HMCN1: variants seen among roughly 807,000 people sequenced by gnomAD.
The protein encoded by HMCN1 is hemicentin-1.
Under a neutral mutation model 625.9 loss-of-function variants are expected in HMCN1, and 321 were observed. That is an observed-to-expected ratio of 0.51 (90% confidence interval 0.47 to 0.56). The LOEUF (loss-of-function observed/expected upper bound fraction) is 0.56, where lower values mean the gene tolerates loss of function less well. HMCN1 is among the 20% of genes least tolerant of loss of function. The pLI is 0.00. For synonymous variants in HMCN1, 2,425 were observed against 2,417.6 expected, an observed-to-expected ratio of 1.00 and a Z score of -0.09; for missense variants, 6,588 against 6,887.3, an observed-to-expected ratio of 0.96 and a Z score of 1.54.
intron 71 of HMCN1, among the ~76,000 whole-genome samples, chr1:186,111,185 G>A (rs1021730344): frequency 6.6e-6 from 1 of 151,396 alleles, no homozygotes; most frequent in African/African-American, 2.4e-5. Context: ...GTTTCACCAT[G>A]TTAGCCAGGA....
At chr1:186,148,035 A>G (rs1650431104) in intron 93 of HMCN1, among the ~76,000 whole-genome samples, 1 of 152,250 alleles carries the variant, frequency 6.6e-6, no homozygotes, top group Non-Finnish European at 1.5e-5. Context: ...TAAAACTTTC[A>G]AAGTTTGGGT....
chr1:186,093,972 G>A lies in HMCN1; in HGVS notation c.10196+303G>A, dbSNP rs892693984. On this transcript the variant is annotated intron_variant, in intron 66 of 106. Coordinates refer to ENST00000271588, the MANE Select transcript of HMCN1 (RefSeq NM_031935.3). ...TAAAACTTTATGTGGCAAGGTAGTAGGAAGATGCCTACTATGATAATGTGA... is the reference window on the plus strand; with the variant it reads ...TAAAACTTTATGTGGCAAGGTAGTAAGAAGATGCCTACTATGATAATGTGA... Among the ~76,000 whole-genome samples, 4 of 151,990 alleles carry A rather than the reference G, an allele frequency of 2.6e-5. No individual in the cohort carries two copies. In the South Asian group the frequency reaches 8.3e-4, roughly 31 times the overall value.
chr1:186,003,317 A>G (rs1211471107), intron 28 of HMCN1, among the ~76,000 whole-genome samples: 3 of 152,212 alleles, frequency 2.0e-5, no homozygotes, highest in Non-Finnish European at 4.4e-5. Context: ...TATTTCAAGT[A>G]GCACCACACT....
rs1401070951 is a variant in HMCN1 at position 186,087,618 on chromosome 1, A to G, written c.9336A>G (p.Gly3112=). The change falls in exon 60 of 107, where the codon GGA becomes GGG. Residue 3112 remains glycine, a synonymous_variant. Coordinates refer to ENST00000271588, the MANE Select transcript of HMCN1 (RefSeq NM_031935.3). ...CTCATGTGGAGATTTTAGCTGATGGACAAATGCTACACATTAAGAAAGCTG... is the reference window on the plus strand; with the variant it reads ...CTCATGTGGAGATTTTAGCTGATGGGCAAATGCTACACATTAAGAAAGCTG... The part of the protein sequence containing the change: ...ESTHVEILAD[G]QMLHIKKAEV... 1.2e-6 allele frequency: 2 copies of G among 1,613,212 alleles called. No homozygotes were observed. The highest frequency in any genetic ancestry group is 2.2e-5 in the South Asian group (2 of 91,074).
intron 45 of HMCN1, among the ~76,000 whole-genome samples, chr1:186,056,192 A>G (rs1454897757): frequency 6.6e-6 from 1 of 152,016 alleles, no homozygotes; most frequent in Non-Finnish European, 1.5e-5. Flanking sequence ...TTTTATAGCT[A>G]TAGGAACAAT....
At chr1:185,743,514 A>C (rs533438981) in intron 1 of HMCN1, among the ~76,000 whole-genome samples, 1 of 152,238 alleles carries the variant, frequency 6.6e-6, no homozygotes, top group Non-Finnish European at 1.5e-5. Context: ...GCTATAAGGC[A>C]GTCTGCCTAC....
intron 4 of HMCN1, among the ~76,000 whole-genome samples, chr1:185,889,849 C>CT (rs1664935330): frequency 6.9e-6 from 1 of 145,316 alleles, no homozygotes; most frequent in Non-Finnish European, 1.5e-5. Context: ...AGGATTCCCT[C>CT]TTTTTCTATT....
At chr1:185,898,272 G>A (rs144485571) in intron 4 of HMCN1, among the ~76,000 whole-genome samples, 13 of 152,166 alleles carry the variant, frequency 8.5e-5, no homozygotes, top group African/African-American at 1.4e-4. Context: ...TTAATCTGGG[G>A]CAATAGATTC....
In HMCN1 at chr1:186,187,901, A is replaced by G; in HGVS notation, c.16433A>G (p.Glu5478Gly). 6.2e-7 allele frequency: 1 copy of G among 1,613,720 alleles called. No homozygotes were observed. ...KTCQDIDECLEQNVHCGPNRM... is the reference protein window; with the variant it reads ...KTCQDIDECLGQNVHCGPNRM... ...TCCCTAGATATCGATGAATGTCTGG[A>G]GCAGAATGTGCACTGTGGACCCAAT... Residue 5478 changes from glutamate (E) to glycine (G), a missense_variant, in exon 106 of 107, where the codon GAG becomes GGG. By Grantham distance (98) the Glu-to-Gly change is moderately conservative. This residue lies in a region of HMCN1 where 1,954 missense variants were observed against 2,013.1 expected (regional missense o/e 0.97). Coordinates refer to ENST00000271588, the MANE Select transcript of HMCN1 (RefSeq NM_031935.3).
Position 185,734,767 on chromosome 1 carries a change from G to GA in HMCN1, c.-5dup, listed in dbSNP as rs755887128. ...AGGCGCTGAGGGGGAAAAAGAGGGG[G>GA]AAAAAAAAGAAAATGATTTCCTGGG... is the stretch of plus-strand genomic sequence containing the variant. On this transcript the variant is annotated 5_prime_UTR_variant, in exon 1 of 107. Transcript: ENST00000271588. The GA allele has an allele frequency of 1.7e-5, 27 of 1,612,828 alleles. 1 individual carries two copies. The East Asian group carries it at 4.5e-4, about 27-fold the overall frequency.
chr1:186,038,502 T>A (rs1571758724), intron 37 of HMCN1, among the ~76,000 whole-genome samples: 1 of 152,280 alleles, frequency 6.6e-6, no homozygotes, highest in East Asian at 1.9e-4. Context: ...TGATTAGACA[T>A]GTAGCCAAAA....
At position 185,741,512 on chromosome 1, in the gene HMCN1, A is replaced by C. The variant is rs114716509; in HGVS notation, c.268+6465A>C. ...ATGGTATTTAGGACAATTAGACTAA[A>C]TGAGACCATTAAGGGAGACTGACTA... is the stretch of plus-strand genomic sequence containing the variant. On this transcript the variant is annotated intron_variant, in intron 1 of 106. Transcript: ENST00000271588. 9.3e-3 allele frequency among the ~76,000 whole-genome samples: 1,409 copies of C among 152,304 alleles called. 22 individuals are homozygous for C. The highest frequency in any genetic ancestry group is 0.032 in the African/African-American group (1,349 of 41,564).
At chr1:186,127,297 A>T (rs920217296) in intron 82 of HMCN1, among the ~76,000 whole-genome samples, 2 of 152,106 alleles carry the variant, frequency 1.3e-5, no homozygotes, top group Non-Finnish European at 2.9e-5. Context: ...AGAAAGTATC[A>T]GTATTTGGGT....
chr1:186,057,743 T>C (rs140396593), intron 46 of HMCN1, among the ~76,000 whole-genome samples: 66 of 152,112 alleles, frequency 4.3e-4, no homozygotes, highest in African/African-American at 1.5e-3. Context: ...CTACAGTGAA[T>C]CCTAGTATAT....
rs146911425 is a variant in HMCN1, at chr1:186,105,991, A to G, written c.10771-893A>G. ...ATGTAAGTGTTGTTCTTCTAAAATTATATTTAAGTATTTTTCCAAACATTC... is the reference window on the plus strand; with the variant it reads ...ATGTAAGTGTTGTTCTTCTAAAATTGTATTTAAGTATTTTTCCAAACATTC... On this transcript the variant is annotated intron_variant, in intron 69 of 106. Transcript: ENST00000271588. Among the ~76,000 whole-genome samples the G allele has an allele frequency of 5.1e-4, 77 of 152,334 alleles. No homozygotes were observed. In the Middle Eastern group the frequency reaches 0.01, roughly 20 times the overall value.
rs532167245 is a variant in HMCN1, at chr1:186,053,730, A to G, written c.6701-95A>G. On this transcript the variant is annotated intron_variant, in intron 43 of 106. Transcript: ENST00000271588. ...TTTTACAGTGTCATTTGCCTTTTAT[A>G]TACTTGAACTGAATAAACAAATGTC... 7.2e-6 allele frequency: 9 copies of G among 1,256,842 alleles called. 1 individual carries two copies. In the African/African-American group the frequency reaches 8.9e-5, roughly 12 times the overall value. The allele number at this position is 1,256,842 out of a possible 1,614,324, so 77.9% of individuals were successfully genotyped here.
At position 185,752,315 on chromosome 1, in the gene HMCN1, A is replaced by G. The variant is rs150452328; in HGVS notation, c.268+17268A>G. On this transcript the variant is annotated intron_variant, in intron 1 of 106. Transcript: ENST00000271588. Reference sequence around the variant, plus strand: ...GCTCAGCTTTATAAAAGAGTACTCTATTGTAGCTCTCTGACCAAAAAAAGG... The same window carrying G: ...GCTCAGCTTTATAAAAGAGTACTCTGTTGTAGCTCTCTGACCAAAAAAAGG... Among the ~76,000 whole-genome samples the G allele has an allele frequency of 8.3e-3, 1,262 of 152,138 alleles. 12 individuals are homozygous for G. Among genetic ancestry groups the G allele is most frequent in the Middle Eastern group, 0.027 (8 of 294 alleles).
intron 4 of HMCN1, among the ~76,000 whole-genome samples, chr1:185,885,528 T>TC (rs1046468656): frequency 6.7e-6 from 1 of 149,292 alleles, no homozygotes; most frequent in Non-Finnish European, 1.5e-5. Context: ...TTTTTTTTTT[T>TC]CCTTTTCTCT....
chr1:186,057,120 C>T (rs909193228), intron 45 of HMCN1, 114 bp from the exon 46 acceptor site: 15 of 855,888 alleles, frequency 1.8e-5, no homozygotes, highest in Non-Finnish European at 2.7e-5. Flanking sequence ...AAATGGAAGT[C>T]TTATTAACAT....
Sources: gnomAD v4.1 joint callset for allele counts (sites outside exome capture counted in the v4.1 genomes callset) on GRCh38, gnomAD v4.1.1 for gene constraint, gnomAD v4.1.1 regional missense constraint, MANE v1.5 for transcripts, NCBI Gene and HGNC (gene_info 2026-07-23, HGNC 2026-07-21) for gene names.